The following CADM2 variants were observed in gnomAD, a reference collection of about 807,000 sequenced individuals.
CADM2 encodes immunoglobulin superfamily member 4D.
A neutral mutation model predicts 49.8 loss-of-function variants in CADM2; 12 were observed. That is an observed-to-expected ratio of 0.24 (90% confidence interval 0.15 to 0.39). The LOEUF (loss-of-function observed/expected upper bound fraction) is 0.39, where lower values mean the gene tolerates loss of function less well. Among genes scored for constraint, CADM2 ranks in the 10% least tolerant of loss-of-function variants. The probability of loss-of-function intolerance (pLI) is 1.00; values close to 1 mark genes in which losing one functional copy is unlikely to be tolerated. For synonymous variants in CADM2, 214 were observed against 175.4 expected (o/e 1.22, Z -1.74); for missense variants, 378 against 492.3 (o/e 0.77, Z 2.20).
At chr3:85,849,527 G>A (rs1361810865) in intron 3 of CADM2, among the ~76,000 whole-genome samples, 2 of 151,994 alleles carry the variant, frequency 1.3e-5, no homozygotes, top group Admixed American at 1.3e-4. Context: ...CAAAAGTCAC[G>A]CCTAATTTAA....
intron 1 of CADM2, among the ~76,000 whole-genome samples, chr3:85,183,151 G>C (rs2040976748): frequency 6.6e-6 from 1 of 152,090 alleles, no homozygotes; most frequent in East Asian, 1.9e-4. Flanking sequence ...GATTGCATCA[G>C]TGATGTTAAA....
intron 1 of CADM2, among the ~76,000 whole-genome samples, chr3:85,503,340 A>C (rs2040194720): frequency 1.3e-5 from 2 of 152,140 alleles, no homozygotes; most frequent in South Asian, 4.1e-4. Context: ...AGTTATATTG[A>C]TTTTTATTCC....
At chr3:85,400,174 G>A (rs1016942516) in intron 1 of CADM2, among the ~76,000 whole-genome samples, 3 of 152,054 alleles carry the variant, frequency 2.0e-5, no homozygotes, top group African/African-American at 7.2e-5. Flanking sequence ...GTTGAGTTTT[G>A]TCAAAGGCCT....
At chr3:85,878,520 C>A (rs2108375721) in intron 3 of CADM2, among the ~76,000 whole-genome samples, 1 of 152,070 alleles carries the variant, frequency 6.6e-6, no homozygotes, top group South Asian at 2.1e-4. Context: ...GATTCCAAAC[C>A]CCAAATAATT....
chr3:85,383,590 A>G (rs953304821), intron 1 of CADM2, among the ~76,000 whole-genome samples: 3 of 148,402 alleles, frequency 2.0e-5, no homozygotes, highest in Non-Finnish European at 1.5e-5. Flanking sequence ...ATAACTGACC[A>G]CTAACCATTT....
chr3:85,665,214 C>A (rs551388573), intron 1 of CADM2, among the ~76,000 whole-genome samples: 8 of 151,970 alleles, frequency 5.3e-5, no homozygotes, highest in African/African-American at 1.9e-4. Context: ...TAAAAATAAT[C>A]ACTTTATCAT....
Position 85,935,855 on chromosome 3 carries a change from A to G in CADM2, c.789A>G (p.Pro263=). 1.3e-6 allele frequency: 2 copies of G among 1,576,996 alleles called. No homozygotes were observed. The highest frequency in any genetic ancestry group is 1.7e-6 in the Non-Finnish European group (2 of 1,150,848). ...TGACTTGTGAATCCAAAGGAAAACC[A>G]CTGTAAGTGAGTTAATGAGCAATAA... The part of the protein sequence containing the change: ...LILTCESKGK[P]LPEPVLWTKD... The change falls in exon 7 of 10, where the codon CCA becomes CCG. Residue 263 remains proline (P), a splice_region_variant and synonymous_variant. Coordinates refer to ENST00000383699, the MANE Select transcript of CADM2 (RefSeq NM_001167675.2).
intron 1 of CADM2, among the ~76,000 whole-genome samples, chr3:85,320,023 C>T (rs562513041): frequency 2.0e-5 from 3 of 151,992 alleles, no homozygotes; most frequent in Non-Finnish European, 2.9e-5. Context: ...AAAATTAATC[C>T]GTAGAAAATT....
chr3:85,908,633 A>G (rs7642281), intron 5 of CADM2, among the ~76,000 whole-genome samples: 100,169 of 151,846 alleles, frequency 0.66, 33,645 homozygotes, highest in African/African-American at 0.78. Context: ...CCATCACCCA[A>G]TTTTAAATGT....
chr3:85,891,767 A>C lies in CADM2; in HGVS notation c.529+5440A>C, dbSNP rs553288648. On this transcript the variant is annotated intron_variant, in intron 5 of 9. Coordinates refer to ENST00000383699, the MANE Select transcript of CADM2 (RefSeq NM_001167675.2). ...TAGTGAGAACATGGGGACATCAGAC[A>C]TATAGTCTCAAGGAAATTAATTTAC... 6.6e-5 allele frequency among the ~76,000 whole-genome samples: 10 copies of C among 152,334 alleles called. No individual in the cohort carries two copies. The South Asian group carries it at 1.9e-3, about 28-fold the overall frequency.
intron 1 of CADM2, among the ~76,000 whole-genome samples, chr3:85,036,891 C>T (rs1490983697): frequency 6.6e-6 from 1 of 151,570 alleles, no homozygotes; most frequent in African/African-American, 2.4e-5. Flanking sequence ...GTGGCTCATG[C>T]CTGTTATACC....
chr3:85,822,726 A>T (rs1451133740), intron 3 of CADM2, among the ~76,000 whole-genome samples: 1 of 152,194 alleles, frequency 6.6e-6, no homozygotes, highest in Non-Finnish European at 1.5e-5. Context: ...ATACATTTTT[A>T]TGAAAGAAAT....
chr3:84,985,436 T>G (rs73137668), intron 1 of CADM2, among the ~76,000 whole-genome samples: 7,186 of 152,156 alleles, frequency 0.047, 216 homozygotes, highest in Admixed American at 0.089. Flanking sequence ...ATCACAAGGA[T>G]TTTTAAAATA....
rs1432734827 is a variant in CADM2 at position 85,525,019 on chromosome 3, T to G, written c.62-201503T>G. 2.0e-5 allele frequency among the ~76,000 whole-genome samples: 3 copies of G among 152,034 alleles called. No homozygotes were observed. The South Asian group carries it at 6.2e-4, about 32-fold the overall frequency. On this transcript the variant is annotated intron_variant, in intron 1 of 9. Transcript: ENST00000383699. ...CAGGGCCTGCCAGGTGGTAGGGGGC[T>G]AGGGGAGGGATAGCATTAGGAGAAA...
At chr3:85,785,113 A>G (rs2070899779) in intron 2 of CADM2, among the ~76,000 whole-genome samples, 1 of 152,064 alleles carries the variant, frequency 6.6e-6, no homozygotes, top group African/African-American at 2.4e-5. Context: ...GAATTTCTGT[A>G]GTATTAGTTG....
chr3:85,165,277 TC>T (rs1203628969), intron 1 of CADM2, among the ~76,000 whole-genome samples: 1 of 151,962 alleles, frequency 6.6e-6, no homozygotes, highest in Non-Finnish European at 1.5e-5. Context: ...CGATATTACT[TC>T]CGCAAAGCTT....
chr3:85,683,728 C>T (rs560295911), intron 1 of CADM2, among the ~76,000 whole-genome samples: 10 of 152,234 alleles, frequency 6.6e-5, no homozygotes, highest in African/African-American at 1.9e-4. Flanking sequence ...TATTTTTATA[C>T]TTGCAGTTGT....
chr3:86,060,053 A>G (rs1287538267), intron 8 of CADM2, among the ~76,000 whole-genome samples: 2 of 152,108 alleles, frequency 1.3e-5, no homozygotes, highest in Non-Finnish European at 2.9e-5. Flanking sequence ...TATTTCCTTC[A>G]CAGATTATAA....
chr3:84,961,077 G>A (rs1028220709), intron 1 of CADM2, among the ~76,000 whole-genome samples: 8 of 152,108 alleles, frequency 5.3e-5, no homozygotes, highest in African/African-American at 1.9e-4. Context: ...GGAAAGGTAA[G>A]TTGATCAAAT....
Sources: gnomAD v4.1 joint callset for allele counts (sites outside exome capture counted in the v4.1 genomes callset) on GRCh38, gnomAD v4.1.1 for gene constraint, MANE v1.5 for transcripts, NCBI Gene and HGNC (gene_info 2026-07-23, HGNC 2026-07-21) for gene names.